Variants in CRYL1 observed in about 807,000 individuals in gnomAD.
CRYL1 encodes lambda-crystallin homolog.
In CRYL1, 29 loss-of-function variants were observed where a neutral mutation model predicts 36.6. The observed-to-expected ratio is 0.79, with a 90% CI of 0.59 to 1.08. The LOEUF (loss-of-function observed/expected upper bound fraction) is 1.08. Among genes scored for constraint, CRYL1 ranks in the 50% least tolerant of loss-of-function variants. CRYL1 has a pLI of 0.00. For missense variants in CRYL1, 411 were observed against 407.9 expected, an observed-to-expected ratio of 1.01 and a Z score of -0.06; for synonymous variants, 152 against 151.5, an observed-to-expected ratio of 1.00 and a Z score of -0.02.
intron 3 of CRYL1, among the ~76,000 whole-genome samples, chr13:20,466,494 T>G (rs74036387): frequency 0.013 from 2,010 of 152,284 alleles, 17 homozygotes; most frequent in African/African-American, 0.028. Context: ...CAACAGATAC[T>G]TCACATCCAC....
chr13:20,414,554 C>T (rs2031608894), intron 5 of CRYL1, among the ~76,000 whole-genome samples: 1 of 152,166 alleles, frequency 6.6e-6, no homozygotes, highest in Non-Finnish European at 1.5e-5. Flanking sequence ...GCTTCACATG[C>T]CTGCAAGTCC....
chr13:20,502,467 A>G (rs1225236362), intron 2 of CRYL1: 2 of 152,410 alleles, frequency 1.3e-5, no homozygotes, highest in African/African-American at 2.4e-5. Context: ...CCTGGCTAAC[A>G]TGGTGAAACC....
At chr13:20,406,893 C>T (rs2031392141) in intron 6 of CRYL1, among the ~76,000 whole-genome samples, 2 of 151,712 alleles carry the variant, frequency 1.3e-5, no homozygotes, top group South Asian at 4.2e-4. Flanking sequence ...AGAGCAGCCA[C>T]AGGCCAGGGG....
At chr13:20,510,890 T>C (rs1211417638) in intron 2 of CRYL1, among the ~76,000 whole-genome samples, 1 of 151,924 alleles carries the variant, frequency 6.6e-6, no homozygotes, top group African/African-American at 2.4e-5. Flanking sequence ...GTAAGATTAC[T>C]AGGCCACAAG....
chr13:20,487,882 A>G (rs1255906524), intron 3 of CRYL1, among the ~76,000 whole-genome samples: 2 of 152,194 alleles, frequency 1.3e-5, no homozygotes, highest in African/African-American at 4.8e-5. Context: ...CCAGCGGATC[A>G]CTTGAGGTCA....
At chr13:20,490,930 G>A (rs1036290105) in intron 2 of CRYL1, among the ~76,000 whole-genome samples, 2 of 151,662 alleles carry the variant, frequency 1.3e-5, no homozygotes, top group Non-Finnish European at 2.9e-5. Flanking sequence ...TTTTGAGACA[G>A]GATCCTGCTC....
chr13:20,456,656 AACAC>A (rs35160798), intron 3 of CRYL1, among the ~76,000 whole-genome samples: 15 of 142,912 alleles, frequency 1.0e-4, no homozygotes, highest in Admixed American at 4.2e-4. Context: ...CGATTCTTAA[AACAC>A]ACACACACAC....
intron 2 of CRYL1, among the ~76,000 whole-genome samples, chr13:20,502,022 G>A (rs1272541856): frequency 6.6e-6 from 1 of 152,198 alleles, no homozygotes; most frequent in East Asian, 1.9e-4. Flanking sequence ...AAGTTGGGAA[G>A]AGGGCAGAAC....
intron 1 of CRYL1, among the ~76,000 whole-genome samples, chr13:20,518,732 G>A (rs1258871728): frequency 6.6e-6 from 1 of 152,212 alleles, no homozygotes; most frequent in Non-Finnish European, 1.5e-5. Flanking sequence ...GGTGCCCGAT[G>A]CGATGGGAGG....
chr13:20,439,547 A>AT, intron 4 of CRYL1, 46 bp downstream of exon 4: 1 of 1,393,442 alleles, frequency 7.2e-7, no homozygotes, highest in Non-Finnish European at 9.7e-7. Context: ...AAAAAAACAC[A>AT]GAATGAGATG....
rs73443913 is a variant in CRYL1, at chr13:20,428,615, G to T, written c.633+3487C>A. ...CCTTGTTATCACCACTTAGTGAGTG[G>T]CAACGCAGCTGACATCAGCAGCAAG... is the stretch of plus-strand genomic sequence containing the variant. On this transcript the variant is annotated intron_variant, in intron 5 of 7. Transcript: ENST00000298248. Among the ~76,000 whole-genome samples, 1,438 of 152,268 alleles carry T rather than the reference G, an allele frequency of 9.4e-3. 27 individuals carry two copies. Among genetic ancestry groups the T allele is most frequent in the African/African-American group, 0.032 (1,310 of 41,544 alleles).
intron 2 of CRYL1, among the ~76,000 whole-genome samples, chr13:20,494,031 G>A (rs1012417853): frequency 2.1e-4 from 32 of 152,308 alleles, no homozygotes; most frequent in Middle Eastern, 3.4e-3. Context: ...AGGGCCTAGC[G>A]CAGACTTTGT....
chr13:20,510,611 CTT>C (rs56145129), intron 2 of CRYL1, among the ~76,000 whole-genome samples: 126,023 of 134,088 alleles, frequency 0.94, 59,445 homozygotes, highest in South Asian at 0.99. Flanking sequence ...CCAAGTGAAT[CTT>C]TTTTTTTTTT....
chr13:20,462,274 G>A (rs1025538971), intron 3 of CRYL1, among the ~76,000 whole-genome samples: 5 of 151,792 alleles, frequency 3.3e-5, no homozygotes, highest in South Asian at 4.2e-4. Context: ...CCCTGGGGGC[G>A]CCCAGGGGAT....
intron 3 of CRYL1, among the ~76,000 whole-genome samples, chr13:20,446,488 C>T (rs566932673): frequency 8.4e-4 from 128 of 152,336 alleles, no homozygotes; most frequent in Non-Finnish European, 1.6e-3. Flanking sequence ...CTGATTGGTA[C>T]TCTGACTGTC....
chr13:20,405,406 T>G (rs1183791793), intron 6 of CRYL1, among the ~76,000 whole-genome samples: 2 of 152,216 alleles, frequency 1.3e-5, no homozygotes, highest in African/African-American at 4.8e-5. Flanking sequence ...TGTCACCAAG[T>G]GTTTCCTCCA....
chr13:20,489,561 C>A lies in CRYL1; in HGVS notation c.150-65G>T, dbSNP rs560572131. The A allele has an allele frequency of 1.6e-4, 254 of 1,584,282 alleles. No individual in the cohort carries two copies. The African/African-American group carries it at 3.0e-3, about 19-fold the overall frequency. ...ACCACATTTAAAAACAGATAAAGCC[C>A]AACATCAGGAATCATCAGGGAAATG... is the stretch of plus-strand genomic sequence containing the variant. On this transcript the variant is annotated intron_variant, in intron 2 of 7. Transcript: ENST00000298248.
intron 2 of CRYL1, among the ~76,000 whole-genome samples, chr13:20,490,351 C>G (rs1281271556): frequency 6.6e-6 from 1 of 152,112 alleles, no homozygotes; most frequent in African/African-American, 2.4e-5. Context: ...ATGGTAGCAC[C>G]ACTGCACTCC....
chr13:20,472,469 G>A (rs1163018347), intron 3 of CRYL1, among the ~76,000 whole-genome samples: 2 of 152,142 alleles, frequency 1.3e-5, no homozygotes, highest in Non-Finnish European at 1.5e-5. Context: ...ACTACGCATC[G>A]TAGCCATTTC....
Sources: allele counts gnomAD v4.1 joint callset (sites outside exome capture counted in the v4.1 genomes callset), GRCh38; gene constraint gnomAD v4.1.1; transcripts MANE v1.5; gene names NCBI Gene and HGNC (gene_info 2026-07-23, HGNC 2026-07-21).